The following SPAG16 variants were observed in gnomAD, a reference collection of about 807,000 sequenced individuals.
The protein encoded by SPAG16 is sperm associated antigen 16, also known as sperm-associated antigen 16 protein.
Under a neutral mutation model 80.4 loss-of-function variants are expected in SPAG16, and 86 were observed. The observed-to-expected ratio is 1.07, with a 90% confidence interval of 0.90 to 1.28. SPAG16 has a LOEUF of 1.28. SPAG16 is among the 50% of genes most tolerant of loss of function. The pLI, the probability that SPAG16 is intolerant of heterozygous loss-of-function variation, is 0.00. For synonymous variants in SPAG16, 294 were observed against 265.9 expected, an observed-to-expected ratio of 1.11 and a Z score of -1.03; for missense variants, 870 against 765.3, an observed-to-expected ratio of 1.14 and a Z score of -1.61.
At chr2:214,356,017 T>G (rs1576868082) in intron 15 of SPAG16, among the ~76,000 whole-genome samples, 1 of 107,678 alleles carries the variant, frequency 9.3e-6, no homozygotes, top group Admixed American at 1.3e-4. Context: ...CTCTGGGGAC[T>G]GTTGTGGGGT....
At chr2:213,558,951 A>G (rs1036321203) in intron 10 of SPAG16, among the ~76,000 whole-genome samples, 2 of 152,098 alleles carry the variant, frequency 1.3e-5, no homozygotes, top group Non-Finnish European at 2.9e-5. Flanking sequence ...ATGTATCTTT[A>G]ATAGGGAAAA....
At chr2:213,464,754 C>T (rs1013962180) in intron 9 of SPAG16, among the ~76,000 whole-genome samples, 2 of 152,182 alleles carry the variant, frequency 1.3e-5, no homozygotes, top group Non-Finnish European at 2.9e-5. Context: ...CCATTTTTAC[C>T]TGACAACAAC....
intron 14 of SPAG16, among the ~76,000 whole-genome samples, chr2:214,147,493 C>T (rs1402583437): frequency 3.3e-5 from 5 of 152,136 alleles, no homozygotes; most frequent in African/African-American, 1.2e-4. Context: ...AACTTACCTA[C>T]TCTGTTCCCA....
At chr2:213,998,721 T>A (rs964009702) in intron 12 of SPAG16, among the ~76,000 whole-genome samples, 1 of 152,202 alleles carries the variant, frequency 6.6e-6, no homozygotes, top group Non-Finnish European at 1.5e-5. Context: ...ACTAGTTGAA[T>A]GGCTTTGACC....
chr2:213,927,278 G>T (rs2078523647), intron 11 of SPAG16, among the ~76,000 whole-genome samples: 1 of 152,184 alleles, frequency 6.6e-6, no homozygotes, highest in Non-Finnish European at 1.5e-5. Context: ...GAAAGGAGTG[G>T]CACAGTCAGT....
chr2:214,370,962 C>T (rs1411032566), intron 15 of SPAG16, among the ~76,000 whole-genome samples: 1 of 152,290 alleles, frequency 6.6e-6, no homozygotes, highest in East Asian at 1.9e-4. Context: ...CAGGTCTACT[C>T]GTAGCTGAAT....
intron 10 of SPAG16, among the ~76,000 whole-genome samples, chr2:213,612,722 C>CA (rs2061476149): frequency 6.6e-6 from 1 of 152,096 alleles, no homozygotes; most frequent in Non-Finnish European, 1.5e-5. Context: ...TCTTGTTGCC[C>CA]AGGCTGGATG....
chr2:213,295,394 C>A (rs768325619), intron 1 of SPAG16, among the ~76,000 whole-genome samples: 18 of 151,830 alleles, frequency 1.2e-4, no homozygotes, highest in Middle Eastern at 3.4e-3. Context: ...AGAATCATTT[C>A]CATTGATATT....
intron 10 of SPAG16, among the ~76,000 whole-genome samples, chr2:213,828,114 T>G (rs1317864203): frequency 1.3e-5 from 2 of 152,150 alleles, no homozygotes; most frequent in African/African-American, 4.8e-5. Context: ...CCCGTCTCTC[T>G]CTTTCTCTCT....
Position 214,044,617 on chromosome 2 carries a change from A to G in SPAG16, c.1527+30540A>G, listed in dbSNP as rs139191770. Among the ~76,000 whole-genome samples, 169 of 152,306 alleles carry G rather than the reference A, an allele frequency of 1.1e-3. 1 individual carries two copies. Among genetic ancestry groups the G allele is most frequent in the African/African-American group, 4.0e-3 (165 of 41,574 alleles). On this transcript the variant is annotated intron_variant, in intron 13 of 15. Coordinates refer to ENST00000331683, the MANE Select transcript of SPAG16 (RefSeq NM_024532.5). Reference sequence around the variant, plus strand: ...AGTACCTGCTTTTAACTTCATACTGAAAGAGGCACTGAAAAGGATAGAAAA... The same window carrying G: ...AGTACCTGCTTTTAACTTCATACTGGAAGAGGCACTGAAAAGGATAGAAAA...
chr2:213,989,437 G>T (rs145869625), intron 12 of SPAG16, among the ~76,000 whole-genome samples: 1 of 152,018 alleles, frequency 6.6e-6, no homozygotes, highest in Non-Finnish European at 1.5e-5. Flanking sequence ...CACATGGTGC[G>T]TTATCATGGG....
chr2:214,330,371 G>A (rs1696830659), intron 15 of SPAG16, among the ~76,000 whole-genome samples: 3 of 152,094 alleles, frequency 2.0e-5, no homozygotes, highest in African/African-American at 4.8e-5. Context: ...AATTGAAGAA[G>A]TTGAAGATAA....
chr2:214,236,990 G>A (rs762263944), intron 15 of SPAG16, among the ~76,000 whole-genome samples: 15 of 152,122 alleles, frequency 9.9e-5, no homozygotes, highest in East Asian at 3.9e-4. Flanking sequence ...TCTTCTTTCC[G>A]TATCCATAAT....
intron 13 of SPAG16, among the ~76,000 whole-genome samples, chr2:214,094,422 C>T (rs2052442800): frequency 6.6e-6 from 1 of 152,096 alleles, no homozygotes; most frequent in African/African-American, 2.4e-5. Context: ...AGTCCTGAAA[C>T]TCATGTGTAC....
chr2:213,720,295 C>T (rs994624337), intron 10 of SPAG16, among the ~76,000 whole-genome samples: 1 of 151,808 alleles, frequency 6.6e-6, no homozygotes, highest in African/African-American at 2.4e-5. Flanking sequence ...TGTAATAAAC[C>T]TGCTGGTTCT....
intron 11 of SPAG16, among the ~76,000 whole-genome samples, chr2:213,887,821 A>T (rs1415570867): frequency 6.6e-6 from 1 of 151,770 alleles, no homozygotes; most frequent in Non-Finnish European, 1.5e-5. Context: ...ATATTAACGG[A>T]TGGTAGAGTT....
chr2:213,589,960 G>A (rs1359958689), intron 10 of SPAG16, among the ~76,000 whole-genome samples: 1 of 151,214 alleles, frequency 6.6e-6, no homozygotes, highest in East Asian at 1.9e-4. Context: ...TGGGGACTCT[G>A]TGTGCTTTTC....
chr2:213,909,570 C>T (rs993299295), intron 11 of SPAG16, among the ~76,000 whole-genome samples: 17 of 151,958 alleles, frequency 1.1e-4, no homozygotes, highest in African/African-American at 3.9e-4. Context: ...AGAAATAACG[C>T]CGCATATCTA....
At chr2:214,105,752 T>G (rs1228279266) in intron 13 of SPAG16, among the ~76,000 whole-genome samples, 1 of 152,226 alleles carries the variant, frequency 6.6e-6, no homozygotes, top group Non-Finnish European at 1.5e-5. Flanking sequence ...TGTCCCAGTT[T>G]GAGTATTGCT....
Sources: gnomAD v4.1 joint callset for allele counts (sites outside exome capture counted in the v4.1 genomes callset) on GRCh38, gnomAD v4.1.1 for gene constraint, MANE v1.5 for transcripts, NCBI Gene and HGNC (gene_info 2026-07-23, HGNC 2026-07-21) for gene names.